Variants in ALKBH8 observed in about 807,000 individuals in gnomAD.
ALKBH8 encodes the protein alkB homolog 8, tRNA methyltransferase, also known as tRNA (carboxymethyluridine(34)-5-O)-methyltransferase ALKBH8.
A neutral mutation model predicts 59.8 loss-of-function variants in ALKBH8; 36 were observed. The observed-to-expected ratio is 0.60, with a 90% CI of 0.46 to 0.79. The LOEUF is 0.79. Among genes scored for constraint, ALKBH8 ranks in the 30% least tolerant of loss-of-function variants. The pLI, the probability that ALKBH8 is intolerant of heterozygous loss-of-function variation, is 0.00. For synonymous variants in ALKBH8, 276 were observed against 273.6 expected (o/e 1.01, Z -0.09); for missense variants, 768 against 801.0 (o/e 0.96, Z 0.50).
At chr11:107,516,569 C>T (rs1286832206) in intron 10 of ALKBH8, among the ~76,000 whole-genome samples, 1 of 152,054 alleles carries the variant, frequency 6.6e-6, no homozygotes, top group East Asian at 1.9e-4. Flanking sequence ...GATATGACCC[C>T]AAAAACAAAG....
chr11:107,539,758 C>A (rs150511685), intron 7 of ALKBH8, among the ~76,000 whole-genome samples: 1 of 152,202 alleles, frequency 6.6e-6, no homozygotes, highest in Non-Finnish European at 1.5e-5. Context: ...GGCTAAATGT[C>A]TTGAAAGTTA....
At chr11:107,521,771 T>C (rs1863120873) in intron 10 of ALKBH8, among the ~76,000 whole-genome samples, 1 of 152,180 alleles carries the variant, frequency 6.6e-6, no homozygotes, top group Non-Finnish European at 1.5e-5. Flanking sequence ...TTTAATCTGT[T>C]TGAGACTTCC....
chr11:107,558,940 T>A (rs561373371), intron 2 of ALKBH8, among the ~76,000 whole-genome samples: 1 of 152,200 alleles, frequency 6.6e-6, no homozygotes, highest in Non-Finnish European at 1.5e-5. Flanking sequence ...GTTTGGCGTG[T>A]CCCCACCCAA....
chr11:107,504,245 G>GT lies in ALKBH8; in HGVS notation c.*412dup. On this transcript the variant is annotated 3_prime_UTR_variant, in exon 12 of 12. Transcript: ENST00000428149. ...GATTTTACAGAGCTAAAAATCATAG[G>GT]TAAAACTTCAGACAATTTTCTATTG... 2.3e-6 allele frequency: 1 copy of GT among 439,110 alleles called. No individual in the cohort carries two copies. Among genetic ancestry groups the GT allele is most frequent in the Non-Finnish European group, 4.0e-6 (1 of 251,488 alleles). 27.2% of individuals were successfully genotyped at this position (439,110 alleles called of 1,614,324 possible).
At chr11:107,536,761 T>G (rs1298617132) in intron 7 of ALKBH8, among the ~76,000 whole-genome samples, 2 of 152,130 alleles carry the variant, frequency 1.3e-5, no homozygotes, top group African/African-American at 4.8e-5. Context: ...GGAAAATGTC[T>G]TTGAGGTTTC....
At chr11:107,532,764 A>G (rs1863651267) in intron 7 of ALKBH8, among the ~76,000 whole-genome samples, 1 of 152,164 alleles carries the variant, frequency 6.6e-6, no homozygotes, top group South Asian at 2.1e-4. Context: ...TGAAACACTC[A>G]TATCCTGGCT....
At chr11:107,535,412 C>T (rs937748914) in intron 7 of ALKBH8, among the ~76,000 whole-genome samples, 1 of 152,094 alleles carries the variant, frequency 6.6e-6, no homozygotes, top group African/African-American at 2.4e-5. Flanking sequence ...TCCCTGCTAA[C>T]ATCTTTTATT....
chr11:107,559,985 A>C (rs1042219027), intron 2 of ALKBH8, among the ~76,000 whole-genome samples: 2 of 152,216 alleles, frequency 1.3e-5, no homozygotes, highest in African/African-American at 4.8e-5. Flanking sequence ...CAAAAAGATA[A>C]GAACTCCTTA....
rs114601048 is a variant in ALKBH8 at position 107,509,221 on chromosome 11, T to C, written c.1437+1666A>G. Among the ~76,000 whole-genome samples, 595 of 152,332 alleles carry C rather than the reference T, an allele frequency of 3.9e-3. 3 individuals carry two copies. Among genetic ancestry groups the C allele is most frequent in the African/African-American group, 0.013 (523 of 41,578 alleles). On this transcript the variant is annotated intron_variant, in intron 11 of 11. Transcript: ENST00000428149. ...AGCCATCCTAATGTATGTGAAGTGGTATCTCATTATGGTTTTGATTTGCAT... is the reference window on the plus strand; with the variant it reads ...AGCCATCCTAATGTATGTGAAGTGGCATCTCATTATGGTTTTGATTTGCAT...
intron 7 of ALKBH8, among the ~76,000 whole-genome samples, chr11:107,537,001 G>A (rs1201606141): frequency 6.6e-6 from 1 of 152,246 alleles, no homozygotes; most frequent in African/African-American, 2.4e-5. Flanking sequence ...TTTCCCCCAT[G>A]AGGCCACCAG....
intron 7 of ALKBH8, among the ~76,000 whole-genome samples, chr11:107,546,336 C>G (rs1038685498): frequency 1.3e-5 from 2 of 152,152 alleles, no homozygotes; most frequent in African/African-American, 4.8e-5. Flanking sequence ...AAGGTTATAG[C>G]AAGGGCATCT....
chr11:107,562,573 ATT>A (rs1864980292), intron 1 of ALKBH8: 1 of 152,100 alleles, frequency 6.6e-6, no homozygotes, highest in Non-Finnish European at 1.5e-5. Context: ...ATAAAATCTT[ATT>A]TATCTTATTT....
At chr11:107,547,876 A>C (rs1241955982) in intron 7 of ALKBH8, among the ~76,000 whole-genome samples, 1 of 152,192 alleles carries the variant, frequency 6.6e-6, no homozygotes, top group Non-Finnish European at 1.5e-5. Flanking sequence ...AAATAGAGAT[A>C]ATGAATGCAG....
intron 10 of ALKBH8, among the ~76,000 whole-genome samples, chr11:107,520,079 C>G (rs1344143461): frequency 2.6e-5 from 4 of 152,142 alleles, no homozygotes; most frequent in Admixed American, 2.0e-4. Flanking sequence ...AAGTCCCACC[C>G]ATTTTGAGGT....
At chr11:107,545,040 A>G (rs141573421) in intron 7 of ALKBH8, among the ~76,000 whole-genome samples, 1,594 of 152,302 alleles carry the variant, frequency 0.01, 26 homozygotes, top group African/African-American at 0.035. Context: ...AAATATTCCA[A>G]GGACTCTCAG....
intron 4 of ALKBH8, 88 bp from the exon 5 acceptor site, chr11:107,553,291 G>T: frequency 1.3e-6 from 1 of 750,606 alleles, no homozygotes. Context: ...GTAAGGATTA[G>T]TTTAGTAATG....
At chr11:107,531,113 G>GA (rs113245750) in intron 8 of ALKBH8, among the ~76,000 whole-genome samples, 6,715 of 149,922 alleles carry the variant, frequency 0.045, 495 homozygotes, top group African/African-American at 0.15. Context: ...TAATGGCCAT[G>GA]AAAAAAAAAT....
chr11:107,504,664 C>T lies in ALKBH8; in HGVS notation c.1989G>A (p.Lys663=), dbSNP rs1220362513. The change falls in exon 12 of 12, where the codon AAG becomes AAA. Residue 663 remains lysine (K), a synonymous_variant. Transcript: ENST00000428149. ...DQGNWCVILQ[K]A ...GATGTGTTCAGGTAAATAATCAGGC[C>T]TTTTGAAGAATCACACACCAGTTTC... 9.7e-6 allele frequency: 15 copies of T among 1,544,740 alleles called. No individual in the cohort carries two copies. The highest frequency in any genetic ancestry group is 1.3e-5 in the Non-Finnish European group (15 of 1,144,414).
Position 107,520,739 on chromosome 11 carries a change from T to C in ALKBH8, c.1287+1560A>G, listed in dbSNP as rs150288787. Among the ~76,000 whole-genome samples, 25 of 152,340 alleles carry C rather than the reference T, an allele frequency of 1.6e-4. 1 individual carries two copies. The East Asian group carries it at 4.8e-3, about 29-fold the overall frequency. On this transcript the variant is annotated intron_variant, in intron 10 of 11. Transcript: ENST00000428149. ...TTTAATTGTAAACATGGTAACAATA[T>C]ATGAATATCAATGTCTTATCTTGAT... is the stretch of plus-strand genomic sequence containing the variant.
Sources: allele counts gnomAD v4.1 joint callset (sites outside exome capture counted in the v4.1 genomes callset), GRCh38; gene constraint gnomAD v4.1.1; transcripts MANE v1.5; gene names NCBI Gene and HGNC (gene_info 2026-07-23, HGNC 2026-07-21).